Variants in MLIP observed in about 807,000 individuals in gnomAD.
The protein encoded by MLIP is muscular LMNA-interacting protein.
MLIP carries 79 observed loss-of-function variants against 84.8 expected under a neutral mutation model. That is an observed-to-expected ratio of 0.93 (90% CI 0.78 to 1.12). MLIP has a LOEUF of 1.12. MLIP is among the 50% of genes most tolerant of loss of function. The pLI, the probability that MLIP is intolerant of heterozygous loss-of-function variation, is 0.00. For synonymous variants in MLIP, 504 were observed against 463.0 expected, an observed-to-expected ratio of 1.09 and a Z score of -1.14; for missense variants, 1,257 against 1,160.6, an observed-to-expected ratio of 1.08 and a Z score of -1.21.
intron 3 of MLIP, among the ~76,000 whole-genome samples, chr6:54,132,177 C>T (rs985066149): frequency 2.0e-5 from 3 of 152,044 alleles, no homozygotes; most frequent in Non-Finnish European, 2.9e-5. Flanking sequence ...CAAAAGACTG[C>T]GTTTATGATG....
At chr6:54,264,618 A>G (rs1783583612) in intron 13 of MLIP, among the ~76,000 whole-genome samples, 1 of 152,100 alleles carries the variant, frequency 6.6e-6, no homozygotes, top group South Asian at 2.1e-4. Context: ...ATTTCCTTAA[A>G]CCTCTGTAAA....
At chr6:54,020,405 A>G (rs1393552484) in intron 1 of MLIP, among the ~76,000 whole-genome samples, 1 of 152,210 alleles carries the variant, frequency 6.6e-6, no homozygotes, top group East Asian at 1.9e-4. Flanking sequence ...TAAAAGTAAA[A>G]AGGAAACCCA....
At chr6:54,259,008 T>C in intron 13 of MLIP, among the ~76,000 whole-genome samples, 1 of 148,500 alleles carries the variant, frequency 6.7e-6, no homozygotes, top group African/African-American at 2.5e-5. Flanking sequence ...TAATTCTTTC[T>C]CTTTTAAAAT....
exon 1 of MLIP, chr6:54,019,072 A>C (rs1220068659): frequency 6.2e-7 from 1 of 1,611,668 alleles, no homozygotes; most frequent in South Asian, 1.1e-5. Context: ...TTAAACAAGA[A>C]TTTAGAGGAG....
chr6:54,052,572 T>C (rs1265846747), intron 1 of MLIP, among the ~76,000 whole-genome samples: 2 of 152,268 alleles, frequency 1.3e-5, no homozygotes, highest in East Asian at 3.9e-4. Context: ...ATTATCCACA[T>C]AAAAATGGAC....
At chr6:54,263,350 A>G (rs765388315) in intron 13 of MLIP, among the ~76,000 whole-genome samples, 7 of 152,030 alleles carry the variant, frequency 4.6e-5, no homozygotes, top group East Asian at 3.9e-4. Context: ...CTTCTGGCTT[A>G]TGGATAATAA....
intron 10 of MLIP, among the ~76,000 whole-genome samples, chr6:54,196,447 G>C (rs1778302240): frequency 6.6e-6 from 1 of 152,066 alleles, no homozygotes; most frequent in Non-Finnish European, 1.5e-5. Flanking sequence ...TGGGTTTTCT[G>C]TTCCTGCATT....
At chr6:54,190,861 T>G (rs1777848844) in intron 10 of MLIP, among the ~76,000 whole-genome samples, 1 of 151,172 alleles carries the variant, frequency 6.6e-6, no homozygotes, top group Non-Finnish European at 1.5e-5. Context: ...AGTGGTGCGA[T>G]CTCGGCTCAC....
At chr6:54,180,101 G>A (rs959438525) in intron 9 of MLIP, among the ~76,000 whole-genome samples, 1 of 151,900 alleles carries the variant, frequency 6.6e-6, no homozygotes, top group Non-Finnish European at 1.5e-5. Context: ...TGTTGTTGTT[G>A]TTTGTTTGTT....
Position 54,143,427 on chromosome 6 carries a change from A to G in MLIP, c.2217+5141A>G, listed in dbSNP as rs535267363. Among the ~76,000 whole-genome samples the G allele has an allele frequency of 3.3e-5, 5 of 152,098 alleles. No individual in the cohort carries two copies. The South Asian group carries it at 1.0e-3, about 32-fold the overall frequency. On this transcript the variant is annotated intron_variant, in intron 4 of 13. Coordinates refer to ENST00000502396, the MANE Select transcript of MLIP (RefSeq NM_001281747.2). ...CACCACATTGGCCAGGCTGGTCTTGAACTCCTGACCTCAGGTGATCCGCCT... is the reference window on the plus strand; with the variant it reads ...CACCACATTGGCCAGGCTGGTCTTGGACTCCTGACCTCAGGTGATCCGCCT...
intron 3 of MLIP, among the ~76,000 whole-genome samples, chr6:54,131,028 C>G (rs1472552371): frequency 1.3e-5 from 2 of 152,114 alleles, no homozygotes; most frequent in Non-Finnish European, 2.9e-5. Flanking sequence ...GAAAAATAAA[C>G]CATTGTAGAT....
chr6:54,265,916 C>T, intron 13 of MLIP, 34 bp from the exon 14 acceptor site: 1 of 1,600,544 alleles, frequency 6.2e-7, no homozygotes, highest in Non-Finnish European at 8.5e-7. Context: ...ATTTATTCAT[C>T]TTAACCTGAC....
intron 1 of MLIP, among the ~76,000 whole-genome samples, chr6:54,103,875 A>C (rs1425389206): frequency 6.6e-6 from 1 of 152,166 alleles, no homozygotes; most frequent in Non-Finnish European, 1.5e-5. Context: ...TCTGAAACTC[A>C]ATATGTGACT....
intron 5 of MLIP, among the ~76,000 whole-genome samples, chr6:54,151,969 G>T (rs1375196185): frequency 6.6e-6 from 1 of 152,040 alleles, no homozygotes; most frequent in Non-Finnish European, 1.5e-5. Flanking sequence ...GGAACATGAG[G>T]TTTCTGGTAC....
chr6:54,151,251 TG>T (rs1200298294), intron 5 of MLIP, among the ~76,000 whole-genome samples: 4 of 152,162 alleles, frequency 2.6e-5, no homozygotes, highest in African/African-American at 9.6e-5. Flanking sequence ...AATTTTACTT[TG>T]TAAGAATTTT....
intron 1 of MLIP, among the ~76,000 whole-genome samples, chr6:54,078,386 G>A (rs1179785208): frequency 6.6e-6 from 1 of 152,178 alleles, no homozygotes; most frequent in Non-Finnish European, 1.5e-5. Flanking sequence ...GAGCCCAAGA[G>A]CTCAAGACCA....
chr6:54,142,787 T>A (rs816377), intron 4 of MLIP, among the ~76,000 whole-genome samples: 54,973 of 151,778 alleles, frequency 0.36, 11,509 homozygotes, highest in African/African-American at 0.58. Context: ...TCTAGGTGAG[T>A]GATGATGGTG....
intron 11 of MLIP, among the ~76,000 whole-genome samples, chr6:54,212,967 A>G (rs566901080): frequency 6.6e-6 from 1 of 152,330 alleles, no homozygotes; most frequent in Non-Finnish European, 1.5e-5. Context: ...GCAACCTAAA[A>G]TTTAAGTGAA....
intron 1 of MLIP, among the ~76,000 whole-genome samples, chr6:54,104,782 G>C (rs1012061584): frequency 2.0e-5 from 3 of 151,958 alleles, no homozygotes; most frequent in African/African-American, 7.3e-5. Context: ...AGAAGGCTCT[G>C]TGGACTGTGC....
Sources: allele counts gnomAD v4.1 joint callset (sites outside exome capture counted in the v4.1 genomes callset), GRCh38; gene constraint gnomAD v4.1.1; transcripts MANE v1.5; gene names NCBI Gene and HGNC (gene_info 2026-07-23, HGNC 2026-07-21).